CPNE4: variants seen among roughly 807,000 people sequenced by gnomAD.
CPNE4 encodes the protein copine-4.
A neutral mutation model predicts 67.9 loss-of-function variants in CPNE4; 25 were observed. The observed-to-expected ratio is 0.37, with a 90% CI of 0.27 to 0.51. The LOEUF is 0.51. Ranked by LOEUF, CPNE4 falls within the 20% of genes least tolerant of loss-of-function variation. CPNE4 has a pLI of 0.93. For missense variants in CPNE4, 464 were observed against 690.8 expected (o/e 0.67, Z 3.68); for synonymous variants, 242 against 244.9 (o/e 0.99, Z 0.11).
At chr3:131,665,991 G>T (rs1464625589) in intron 7 of CPNE4, among the ~76,000 whole-genome samples, 2 of 151,868 alleles carry the variant, frequency 1.3e-5, no homozygotes, top group Admixed American at 6.6e-5. Context: ...CAAGTTTTGG[G>T]TTTTTTTCTG....
intron 7 of CPNE4, among the ~76,000 whole-genome samples, chr3:131,592,553 T>A (rs1156501476): frequency 6.6e-6 from 1 of 152,098 alleles, no homozygotes; most frequent in Non-Finnish European, 1.5e-5. Flanking sequence ...ACTAGACACC[T>A]GGTAAGTGAC....
At chr3:131,819,524 GCACA>G (rs1160889766) in intron 2 of CPNE4, among the ~76,000 whole-genome samples, 1 of 119,522 alleles carries the variant, frequency 8.4e-6, no homozygotes, top group African/African-American at 2.8e-5. Context: ...ACACACACAC[GCACA>G]GTTTCCTTAA....
At chr3:131,734,478 G>A (rs779169197) in intron 2 of CPNE4, among the ~76,000 whole-genome samples, 7 of 152,112 alleles carry the variant, frequency 4.6e-5, no homozygotes, top group Non-Finnish European at 7.4e-5. Context: ...AGCAATGCCC[G>A]CCTTGAATAT....
At chr3:131,611,618 C>A (rs1276614098) in intron 7 of CPNE4, among the ~76,000 whole-genome samples, 1 of 151,038 alleles carries the variant, frequency 6.6e-6, no homozygotes, top group African/African-American at 2.4e-5. Context: ...TTTGTGTGGG[C>A]ATATGGAGGA....
At chr3:131,997,673 G>A (rs562630988) in intron 1 of CPNE4, among the ~76,000 whole-genome samples, 1 of 152,142 alleles carries the variant, frequency 6.6e-6, no homozygotes, top group South Asian at 2.1e-4. Flanking sequence ...TCTTTTATTA[G>A]GTGCAATATG....
chr3:131,997,751 C>G (rs1355590422), intron 1 of CPNE4, among the ~76,000 whole-genome samples: 1 of 152,062 alleles, frequency 6.6e-6, no homozygotes, highest in African/African-American at 2.4e-5. Context: ...CAGGTATGAA[C>G]ATTTAAAAAC....
At chr3:131,736,450 T>C (rs1345660721) in intron 2 of CPNE4, among the ~76,000 whole-genome samples, 1 of 151,438 alleles carries the variant, frequency 6.6e-6, no homozygotes, top group Non-Finnish European at 1.5e-5. Context: ...TGAAACCTCG[T>C]CTCTACTAAA....
At chr3:131,832,048 G>T (rs894822257) in intron 2 of CPNE4, among the ~76,000 whole-genome samples, 1 of 152,116 alleles carries the variant, frequency 6.6e-6, no homozygotes, top group Non-Finnish European at 1.5e-5. Context: ...TGTTCATTCA[G>T]GTCAACATGA....
chr3:131,848,337 C>T (rs995986378), intron 2 of CPNE4, among the ~76,000 whole-genome samples: 1 of 152,140 alleles, frequency 6.6e-6, no homozygotes. Context: ...TTGGCTGTCT[C>T]TAATCCCATT....
intron 2 of CPNE4, among the ~76,000 whole-genome samples, chr3:131,825,052 C>A (rs2085099160): frequency 6.6e-6 from 1 of 152,034 alleles, no homozygotes; most frequent in Non-Finnish European, 1.5e-5. Context: ...AGCTTCAGAG[C>A]CCGACAAGGG....
intron 1 of CPNE4, among the ~76,000 whole-genome samples, chr3:131,943,281 A>C (rs1294047937): frequency 6.6e-6 from 1 of 152,164 alleles, no homozygotes; most frequent in East Asian, 1.9e-4. Flanking sequence ...TTTTCCACTG[A>C]GTTCAGAAGT....
chr3:131,882,554 C>T (rs888714156), intron 2 of CPNE4, among the ~76,000 whole-genome samples: 1 of 152,112 alleles, frequency 6.6e-6, no homozygotes, highest in Non-Finnish European at 1.5e-5. Flanking sequence ...CACTTCCTAA[C>T]AATCATATTT....
intron 7 of CPNE4, among the ~76,000 whole-genome samples, chr3:131,626,377 A>G (rs2079074827): frequency 6.6e-6 from 1 of 152,248 alleles, no homozygotes; most frequent in Non-Finnish European, 1.5e-5. Context: ...ACTCTAGTGA[A>G]CATATCAATG....
intron 1 of CPNE4, among the ~76,000 whole-genome samples, chr3:131,953,244 A>T (rs2071827837): frequency 7.0e-6 from 1 of 143,164 alleles, no homozygotes; most frequent in African/African-American, 2.5e-5. Flanking sequence ...TCAATTAAAA[A>T]AAAAAAAAAA....
intron 4 of CPNE4, among the ~76,000 whole-genome samples, chr3:131,698,233 C>CAATAAAAAAAA (rs2081203594): frequency 1.6e-5 from 1 of 64,450 alleles, no homozygotes; most frequent in Non-Finnish European, 2.6e-5. Context: ...GGCTCTGTCT[C>CAATAAAAAAAA]AAAAAAAAAA....
intron 7 of CPNE4, among the ~76,000 whole-genome samples, chr3:131,640,062 G>A (rs1488059533): frequency 1.3e-5 from 2 of 152,058 alleles, no homozygotes; most frequent in Non-Finnish European, 2.9e-5. Context: ...ATACTGAATG[G>A]GGAAAAGTTG....
chr3:131,667,810 C>T lies in CPNE4; in HGVS notation c.681+1865G>A, dbSNP rs533431620. Among the ~76,000 whole-genome samples, 127 of 152,116 alleles carry T rather than the reference C, an allele frequency of 8.3e-4. 1 individual carries two copies. The highest frequency in any genetic ancestry group is 3.7e-3 in the Admixed American group (57 of 15,268). On this transcript the variant is annotated intron_variant, in intron 7 of 15. Transcript: ENST00000429747. ...TTTTATTTATTCAATTACAGATGAC[C>T]CTCTCCTTTTATCCTCCTCATAAAA...
chr3:131,660,997 C>T (rs2080110338), intron 7 of CPNE4, among the ~76,000 whole-genome samples: 1 of 152,128 alleles, frequency 6.6e-6, no homozygotes, highest in Admixed American at 6.6e-5. Context: ...GGATGAGCCA[C>T]AAGATAGAAG....
rs7618537 is a variant in CPNE4 at position 131,564,437 on chromosome 3, G to A, written c.928-88C>T. The A allele has an allele frequency of 2.7e-3, 3,533 of 1,310,490 alleles. 82 individuals carry two copies. In the African/African-American group the frequency reaches 0.043, roughly 16 times the overall value. The allele number at this position is 1,310,490 out of a possible 1,614,324, so 81.2% of individuals were successfully genotyped here. A position where few individuals can be genotyped will look rare whatever the true frequency, so the allele number is the denominator to read the frequency against. ...TCAGTCATGAGAGAGACCTGGCCTC[G>A]GGTCAAAAACAGTAGCACATTACAT... On this transcript the variant is annotated intron_variant, in intron 10 of 15. Transcript: ENST00000429747.
Sources: gnomAD v4.1 joint callset for allele counts (sites outside exome capture counted in the v4.1 genomes callset) on GRCh38, gnomAD v4.1.1 for gene constraint, MANE v1.5 for transcripts, NCBI Gene and HGNC (gene_info 2026-07-23, HGNC 2026-07-21) for gene names.